The following RUNX2 variants were observed in gnomAD, a reference collection of about 807,000 sequenced individuals.
RUNX2 encodes runt-related transcription factor 2.
Under a neutral mutation model 51.7 loss-of-function variants are expected in RUNX2, and 10 were observed. That is an observed-to-expected ratio of 0.19 (90% confidence interval 0.12 to 0.33). The LOEUF (loss-of-function observed/expected upper bound fraction) is 0.33. Ranked by LOEUF, RUNX2 falls within the 10% of genes least tolerant of loss-of-function variation. The probability of loss-of-function intolerance (pLI) is 1.00; values close to 1 mark genes in which losing one functional copy is unlikely to be tolerated. For synonymous variants in RUNX2, 276 were observed against 273.6 expected (o/e 1.01, Z -0.09); for missense variants, 562 against 691.3 (o/e 0.81, Z 2.10).
intron 2 of RUNX2, chr6:45,371,875 C>T (rs897055367): frequency 5.1e-6 from 5 of 975,220 alleles, no homozygotes; most frequent in Non-Finnish European, 6.1e-6. Flanking sequence ...TCCTCCAAAT[C>T]CCTCATTTTT....
intron 5 of RUNX2, among the ~76,000 whole-genome samples, chr6:45,491,249 A>C (rs1379078727): frequency 6.6e-6 from 1 of 152,232 alleles, no homozygotes; most frequent in African/African-American, 2.4e-5. Context: ...TAGTGGATTT[A>C]AAATAAAAAA....
chr6:45,547,020 C>A lies in RUNX2; in HGVS notation c.1281C>A (p.Pro427=). Residue 427 remains proline (P), a synonymous_variant, in exon 9 of 9, where the codon CCC becomes CCA. Transcript: ENST00000647337. The part of the protein sequence containing the change: ...HYHTYLPPPY[P]GSSQSQSGPF... ...ACACCTACCTGCCACCACCCTACCC[C>A]GGCTCTTCCCAAAGCCAGAGTGGAC... The A allele has an allele frequency of 6.2e-7, 1 of 1,614,106 alleles. No homozygotes were observed.
intron 6 of RUNX2, among the ~76,000 whole-genome samples, chr6:45,493,237 T>G (rs1340019325): frequency 1.3e-5 from 2 of 152,120 alleles, no homozygotes; most frequent in African/African-American, 4.8e-5. Context: ...AATATAGAAT[T>G]ATAAAAATCA....
At chr6:45,543,789 C>T (rs1429611726) in intron 7 of RUNX2, among the ~76,000 whole-genome samples, 1 of 151,912 alleles carries the variant, frequency 6.6e-6, no homozygotes, top group Non-Finnish European at 1.5e-5. Flanking sequence ...ACAAAACAGA[C>T]ATTGGAAGCA....
At chr6:45,414,650 A>G (rs1411635230) in intron 2 of RUNX2, among the ~76,000 whole-genome samples, 9 of 151,996 alleles carry the variant, frequency 5.9e-5, no homozygotes, top group Non-Finnish European at 1.0e-4. Context: ...TTCAACTGCA[A>G]TAAGGCAGCA....
At chr6:45,500,905 G>T (rs779304495) in intron 6 of RUNX2, among the ~76,000 whole-genome samples, 1 of 152,194 alleles carries the variant, frequency 6.6e-6, no homozygotes, top group Non-Finnish European at 1.5e-5. Flanking sequence ...ATGTCCTGCA[G>T]GTTGGTAGAT....
chr6:45,517,682 C>A (rs1485233738), intron 7 of RUNX2, among the ~76,000 whole-genome samples: 1 of 152,002 alleles, frequency 6.6e-6, no homozygotes, highest in Admixed American at 6.6e-5. Flanking sequence ...AAGATGTCTC[C>A]AGTTTTATGA....
chr6:45,440,114 A>T, intron 5 of RUNX2, among the ~76,000 whole-genome samples: 1 of 152,188 alleles, frequency 6.6e-6, no homozygotes, highest in East Asian at 1.9e-4. Context: ...ATTTCTTATT[A>T]ACTGAAAATA....
intron 6 of RUNX2, among the ~76,000 whole-genome samples, chr6:45,507,615 C>G (rs1176784843): frequency 6.6e-6 from 1 of 152,040 alleles, no homozygotes; most frequent in African/African-American, 2.4e-5. Context: ...TTTTTCCCCA[C>G]TAAAAGATTG....
intron 7 of RUNX2, chr6:45,513,644 T>A (rs1801230823): frequency 6.6e-6 from 1 of 152,146 alleles, no homozygotes; most frequent in South Asian, 2.1e-4. Context: ...GCAGATGGAC[T>A]CCCATGGGGG....
intron 2 of RUNX2, among the ~76,000 whole-genome samples, chr6:45,368,288 T>C (rs1369662065): frequency 3.9e-5 from 6 of 152,312 alleles, no homozygotes; most frequent in Admixed American, 6.5e-5. Context: ...ATCTGATTAA[T>C]AGTATTTAAA....
intron 5 of RUNX2, among the ~76,000 whole-genome samples, chr6:45,463,591 A>G (rs1799538743): frequency 6.6e-6 from 1 of 152,230 alleles, no homozygotes; most frequent in Non-Finnish European, 1.5e-5. Context: ...TGTAAAGCAA[A>G]GAAATCTATA....
chr6:45,531,488 C>T (rs1293672388), intron 7 of RUNX2, among the ~76,000 whole-genome samples: 1 of 152,186 alleles, frequency 6.6e-6, no homozygotes, highest in Non-Finnish European at 1.5e-5. Flanking sequence ...GGCACGGTGG[C>T]TCACACCTGT....
chr6:45,527,152 G>A (rs1296923822), intron 7 of RUNX2, among the ~76,000 whole-genome samples: 2 of 152,208 alleles, frequency 1.3e-5, no homozygotes, highest in African/African-American at 4.8e-5. Context: ...TCGAGTGCAA[G>A]GGCCCAGAGG....
intron 2 of RUNX2, among the ~76,000 whole-genome samples, chr6:45,346,823 C>G (rs186618293): frequency 2.0e-5 from 3 of 152,174 alleles, no homozygotes; most frequent in African/African-American, 4.8e-5. Flanking sequence ...CCTTGGCCCC[C>G]CAAAGTGCTA....
chr6:45,545,116 C>T (rs1278488339), intron 7 of RUNX2, 101 bp from the exon 8 acceptor site: 19 of 954,900 alleles, frequency 2.0e-5, no homozygotes, highest in Non-Finnish European at 3.1e-5. Context: ...CTCTGTCTAC[C>T]CCTCCCCTAA....
rs187921588 is a variant in RUNX2, at chr6:45,414,126, C to A, written c.59-8467C>A. Among the ~76,000 whole-genome samples the A allele has an allele frequency of 2.2e-4, 33 of 152,220 alleles. No homozygotes were observed. In the East Asian group the frequency reaches 6.2e-3, roughly 29 times the overall value. ...GACTCAAGAGGAGTGAAGAGTCATG[C>A]CCAGAGAAACTTTCATTCAACTCTC... On this transcript the variant is annotated intron_variant, in intron 2 of 8. Transcript: ENST00000647337.
chr6:45,427,259 C>T (rs970439565), intron 3 of RUNX2, among the ~76,000 whole-genome samples: 11 of 151,746 alleles, frequency 7.2e-5, no homozygotes, highest in African/African-American at 2.2e-4. Context: ...ATTATTTTTT[C>T]CTCTTTGGCA....
At chr6:45,418,803 G>A (rs375644896) in intron 2 of RUNX2, among the ~76,000 whole-genome samples, 10 of 152,292 alleles carry the variant, frequency 6.6e-5, no homozygotes, top group African/African-American at 2.4e-4. Flanking sequence ...AGGGTATTCA[G>A]TGGAAAATTT....
Sources: gnomAD v4.1 joint callset for allele counts (sites outside exome capture counted in the v4.1 genomes callset) on GRCh38, gnomAD v4.1.1 for gene constraint, MANE v1.5 for transcripts, NCBI Gene and HGNC (gene_info 2026-07-23, HGNC 2026-07-21) for gene names.